OTOG: variants seen among roughly 807,000 people sequenced by gnomAD.
OTOG encodes otogelin.
A neutral mutation model predicts 313.8 loss-of-function variants in OTOG; 296 were observed. That is an observed-to-expected ratio of 0.94 (90% CI 0.86 to 1.04). The LOEUF (loss-of-function observed/expected upper bound fraction) is 1.04. Among genes scored for constraint, OTOG ranks in the 50% least tolerant of loss-of-function variants. The pLI is 0.00. For missense variants in OTOG, 3,948 were observed against 3,840.1 expected (o/e 1.03, Z -0.74); for synonymous variants, 1,533 against 1,554.9 (o/e 0.99, Z 0.33).
chr11:17,638,208 T>C (rs1302015937), intron 47 of OTOG, among the ~76,000 whole-genome samples: 1 of 152,198 alleles, frequency 6.6e-6, no homozygotes, highest in African/African-American at 2.4e-5. Flanking sequence ...GGAGGCCCAA[T>C]TTAATGAGCT....
Position 17,602,360 on chromosome 11 carries a change from A to G in OTOG, c.3860A>G (p.Tyr1287Cys), listed in dbSNP as rs763141288. ...AGCTTCCTGCTGACAGCTGCTCTGT[A>G]CAAGGCCAAGGCCCATGGTAAGGCC... ...IVSFLLTAALYKAKAHDPDVV... is the reference protein window; with the variant it reads ...IVSFLLTAALCKAKAHDPDVV... The change falls in exon 32 of 56, where the codon TAC becomes TGC. Residue 1287 changes from tyrosine (Y) to cysteine (C), a missense_variant. Tyr to Cys is a radical substitution (Grantham distance 194). Transcript: ENST00000399397. 1 of 1,550,396 alleles carries G rather than the reference A, an allele frequency of 6.4e-7. No homozygotes were observed. The highest frequency in any genetic ancestry group is 1.2e-5 in the South Asian group (1 of 84,044).
intron 1 of OTOG, chr11:17,547,695 C>A (rs768862864): frequency 8.8e-5 from 66 of 751,002 alleles, no homozygotes; most frequent in Non-Finnish European, 1.1e-4. Flanking sequence ...GGAAGAGACC[C>A]GAGGTGGGGA....
intron 25 of OTOG, among the ~76,000 whole-genome samples, chr11:17,592,380 C>T (rs1346100478): frequency 6.6e-6 from 1 of 152,192 alleles, no homozygotes; most frequent in African/African-American, 2.4e-5. Context: ...AGTAACTCTA[C>T]AAGATGAAGA....
chr11:17,610,528 A>G lies in OTOG; in HGVS notation c.5228A>G (p.His1743Arg), dbSNP rs1223697065. Residue 1743 changes from histidine (H) to arginine (R), a missense_variant, in exon 36 of 56, where the codon CAC becomes CGC. By Grantham distance (29) the His-to-Arg change is conservative. Coordinates refer to ENST00000399397, the MANE Select transcript of OTOG (RefSeq NM_001292063.2). ...GGCTCGCCTGCCTCCCCACAGCCAC[A>G]CCCACTCCCCTCTGCACCACCCCGC... ...PMGSPASPQP[H>R]PLPSAPPRPA... 1.9e-6 allele frequency: 3 copies of G among 1,549,716 alleles called. No individual in the cohort carries two copies. In the Admixed American group the frequency reaches 5.9e-5, roughly 30 times the overall value.
chr11:17,567,414 AG>A, intron 15 of OTOG, among the ~76,000 whole-genome samples: 1 of 152,252 alleles, frequency 6.6e-6, no homozygotes. Flanking sequence ...TCACTTTCTC[AG>A]GTTGGCTGTT....
At chr11:17,555,108 G>A (rs907214352) in intron 6 of OTOG, among the ~76,000 whole-genome samples, 9 of 152,092 alleles carry the variant, frequency 5.9e-5, no homozygotes, top group Admixed American at 1.3e-4. Context: ...TCCACACTTG[G>A]CAGGGATAAG....
chr11:17,559,112 C>T lies in OTOG; in HGVS notation c.1164C>T (p.Ala388=). 1 of 1,544,420 alleles carries T rather than the reference C, an allele frequency of 6.5e-7. No individual in the cohort carries two copies. The highest frequency in any genetic ancestry group is 8.7e-7 in the Non-Finnish European group (1 of 1,146,960). ...RALAEYARAC[A]QAGRPLQGWR... is the part of the protein sequence containing the mutation. ...TGGCGGAGTATGCCCGGGCGTGTGC[C>T]CAGGCAGGGCGGCCCTTGCAAGGCT... is the stretch of plus-strand genomic sequence containing the variant. Residue 388 remains alanine, a synonymous_variant, in exon 11 of 56, where the codon GCC becomes GCT. Coordinates refer to ENST00000399397, the MANE Select transcript of OTOG (RefSeq NM_001292063.2).
rs1413646554 is a variant in OTOG, at chr11:17,586,531, G to A, written c.2817G>A (p.Lys939=). 5.5e-6 allele frequency: 8 copies of A among 1,452,886 alleles called. No homozygotes were observed. The highest frequency in any genetic ancestry group is 2.5e-5 in the Admixed American group (1 of 39,258). The allele number at this position is 1,452,886 out of a possible 1,614,324, so 90.0% of individuals were successfully genotyped here. Residue 939 remains lysine, a synonymous_variant, in exon 24 of 56, where the codon AAG becomes AAA. Coordinates refer to ENST00000399397, the MANE Select transcript of OTOG (RefSeq NM_001292063.2). ...CAGAGGAGTGCCCCTGCACTTGGAA[G>A]GGGAAGGAGTATTTCCCTGGGGACC... is the stretch of plus-strand genomic sequence containing the variant. ...FLPEECPCTW[K]GKEYFPGDQV... is the part of the protein sequence containing the mutation.
chr11:17,567,177 G>A (rs185307259), intron 15 of OTOG, among the ~76,000 whole-genome samples: 110 of 152,324 alleles, frequency 7.2e-4, no homozygotes, highest in Non-Finnish European at 1.1e-3. Context: ...TGACTAAAGG[G>A]TGTGGGCTTT....
intron 19 of OTOG, among the ~76,000 whole-genome samples, chr11:17,573,716 G>A (rs1322165180): frequency 6.6e-6 from 1 of 152,178 alleles, no homozygotes; most frequent in Non-Finnish European, 1.5e-5. Context: ...CCTGACCCTG[G>A]GCTATGCTCC....
Position 17,629,363 on chromosome 11 carries a change from C to T in OTOG, c.6712+47C>T, listed in dbSNP as rs138686142. ...GGGGAGGGGATGCTTCCCAGGTCCA[C>T]CTCTGCCCCCACACATAATTCCTCC... On this transcript the variant is annotated intron_variant, in intron 40 of 55. Coordinates refer to ENST00000399397, the MANE Select transcript of OTOG (RefSeq NM_001292063.2). The T allele has an allele frequency of 7.3e-6, 11 of 1,499,992 alleles. No individual in the cohort carries two copies. In the African/African-American group the frequency reaches 1.1e-4, roughly 15 times the overall value. 92.9% of individuals were successfully genotyped at this position (1,499,992 alleles called of 1,614,324 possible).
chr11:17,558,776 C>T, intron 10 of OTOG, 132 bp downstream of exon 10: 1 of 1,017,690 alleles, frequency 9.8e-7, no homozygotes, highest in Non-Finnish European at 1.5e-6. Flanking sequence ...TCTTATCTGC[C>T]TAGGTGGGAC....
At chr11:17,613,195 TTTTCTTTCTTTCTTTCTTTC>T (rs1191747829) in intron 38 of OTOG, among the ~76,000 whole-genome samples, 51 of 65,362 alleles carry the variant, frequency 7.8e-4, no homozygotes, top group Admixed American at 1.5e-3. Flanking sequence ...TCTTTCTTTC[TTTTCTTTCTTTCTTTCTTTC>T]TTTCTTTCTT....
In OTOG at chr11:17,610,752, C is replaced by G; in HGVS notation, c.5452C>G (p.Pro1818Ala). ...CCTGGCCAAGGTGGGCACATCTGCC[C>G]CAGTGGCCACACCCGGCCCCAAAGC... ...LPLAKVGTSA[P>A]VATPGPKASV... is the part of the protein sequence containing the mutation. The change falls in exon 36 of 56, where the codon CCA becomes GCA. Residue 1818 changes from proline to alanine, a missense_variant. Transcript: ENST00000399397. 2.6e-6 allele frequency: 4 copies of G among 1,550,096 alleles called. No individual in the cohort carries two copies. Among genetic ancestry groups the G allele is most frequent in the Non-Finnish European group, 8.7e-7 (1 of 1,146,984 alleles).
Position 17,605,832 on chromosome 11 carries a change from ACTCTCCCCATGTGGTT to A in OTOG, c.3878-20_3878-5del, listed in dbSNP as rs1331742338. On this transcript the variant is annotated splice_polypyrimidine_tract_variant and intron_variant, in intron 32 of 55. Coordinates refer to ENST00000399397, the MANE Select transcript of OTOG (RefSeq NM_001292063.2). Reference sequence around the variant, plus strand: ...GCCACCTGGACCTCTGCCTGTACTGACTCTCCCCATGTGGTTCTCTGCAGACCCAGATGTGGTGTCC... The same window carrying A: ...GCCACCTGGACCTCTGCCTGTACTGACTCTGCAGACCCAGATGTGGTGTCC... 7 of 1,515,152 alleles carry A rather than the reference ACTCTCCCCATGTGGTT, an allele frequency of 4.6e-6. No homozygotes were observed. In the African/African-American group the frequency reaches 8.3e-5, roughly 18 times the overall value. The allele number at this position is 1,515,152 out of a possible 1,614,324, so 93.9% of individuals were successfully genotyped here. A position where few individuals can be genotyped will look rare whatever the true frequency, so the allele number is the denominator to read the frequency against.
At position 17,591,475 on chromosome 11, in the gene OTOG, T is replaced by C. The variant is rs1339310640; in HGVS notation, c.2893T>C (p.Cys965Arg). 1 of 1,550,708 alleles carries C rather than the reference T, an allele frequency of 6.4e-7. No individual in the cohort carries two copies. Among genetic ancestry groups the C allele is most frequent in the Non-Finnish European group, 8.7e-7 (1 of 1,147,018 alleles). Residue 965 changes from cysteine to arginine, a missense_variant, in exon 25 of 56, where the codon TGC becomes CGC. Cys to Arg is a radical substitution (Grantham distance 180, BLOSUM62 -3). Coordinates refer to ENST00000399397, the MANE Select transcript of OTOG (RefSeq NM_001292063.2). ...TCVCQRGSFQ[C>R]TLHPCASTCT... ...TGTGTGCCAGCGGGGCTCATTCCAG[T>C]GCACCCTGCACCCTTGCGCCTCCAC...
intron 33 of OTOG, among the ~76,000 whole-genome samples, chr11:17,606,970 G>C (rs909786194): frequency 6.6e-6 from 1 of 152,200 alleles, no homozygotes; most frequent in South Asian, 2.1e-4. Context: ...GTCCCTCTCC[G>C]GAAGACACTA....
In OTOG at chr11:17,576,554, A is replaced by G; in HGVS notation, c.2487-2A>G. The G allele has an allele frequency of 6.5e-7, 1 of 1,549,852 alleles. No individual in the cohort carries two copies. Among genetic ancestry groups the G allele is most frequent in the Non-Finnish European group, 8.7e-7 (1 of 1,146,372 alleles). On this transcript the variant is annotated splice_acceptor_variant, in intron 20 of 55. Coordinates refer to ENST00000399397, the MANE Select transcript of OTOG (RefSeq NM_001292063.2). LOFTEE classifies it high-confidence loss of function. ...CCTTTCTTTGCTCCCATTTTTTTAT[A>G]GGAACCAGTGCTCCTGCCACTTCCA...
At chr11:17,554,694 A>G (rs993732303) in intron 6 of OTOG, among the ~76,000 whole-genome samples, 7 of 152,248 alleles carry the variant, frequency 4.6e-5, no homozygotes, top group Admixed American at 1.3e-4. Context: ...TGGGCGGGGA[A>G]CTGCAACCAA....
Sources: gnomAD v4.1 joint callset for allele counts (sites outside exome capture counted in the v4.1 genomes callset) on GRCh38, gnomAD v4.1.1 for gene constraint, MANE v1.5 for transcripts, NCBI Gene and HGNC (gene_info 2026-07-23, HGNC 2026-07-21) for gene names.